The following TMEM154 variants were observed in gnomAD, a reference collection of about 807,000 sequenced individuals.
The protein encoded by TMEM154 is transmembrane protein 154.
In TMEM154, 27 loss-of-function variants were observed where a neutral mutation model predicts 24.5. The observed-to-expected ratio is 1.10, with a 90% CI of 0.81 to 1.52. The LOEUF is 1.52. TMEM154 is among the 40% of genes most tolerant of loss of function. TMEM154 has a pLI of 0.00. For missense variants in TMEM154, 228 were observed against 213.4 expected (o/e 1.07, Z -0.43); for synonymous variants, 67 against 76.8 (o/e 0.87, Z 0.67).
chr4:152,644,585 G>A (rs954645502), intron 3 of TMEM154, 143 bp from the exon 4 acceptor site: 10 of 797,528 alleles, frequency 1.3e-5, no homozygotes, highest in Non-Finnish European at 1.1e-5. Context: ...TTAACTTAGA[G>A]TCAAAGAAGT....
At chr4:152,669,919 G>T (rs1728793210) in intron 1 of TMEM154, 1 of 152,156 alleles carries the variant, frequency 6.6e-6, no homozygotes, top group Admixed American at 6.5e-5. Context: ...AATTACTCAG[G>T]AAATATTTCT....
intron 6 of TMEM154, among the ~76,000 whole-genome samples, chr4:152,633,029 G>T (rs1277320926): frequency 6.6e-6 from 1 of 152,212 alleles, no homozygotes; most frequent in African/African-American, 2.4e-5. Flanking sequence ...GCCAGTGTTT[G>T]TTGGTAAAAC....
chr4:152,639,250 C>A (rs1752207433), intron 6 of TMEM154, among the ~76,000 whole-genome samples: 1 of 152,102 alleles, frequency 6.6e-6, no homozygotes, highest in Admixed American at 6.5e-5. Context: ...ATTGCCTGGC[C>A]AAAAATCTGA....
rs757037349 is a variant in TMEM154, at chr4:152,627,013, C to CT, written c.*1532dup. ...CTGTTGAAGTTGTGTACCATGAAGTCTGTCTTTTGTCAAAGTTCTATGCAG... is the reference window on the plus strand; with the variant it reads ...CTGTTGAAGTTGTGTACCATGAAGTCTTGTCTTTTGTCAAAGTTCTATGCAG... On this transcript the variant is annotated 3_prime_UTR_variant, in exon 7 of 7. Transcript: ENST00000304385. 20 of 152,314 alleles carry CT rather than the reference C, an allele frequency of 1.3e-4. No individual in the cohort carries two copies. Among genetic ancestry groups the CT allele is most frequent in the Non-Finnish European group, 2.6e-4 (18 of 68,034 alleles). The allele number at this position is 152,314 out of a possible 1,614,324, so 9.4% of individuals were successfully genotyped here.
chr4:152,636,088 T>C (rs945171570), intron 6 of TMEM154, among the ~76,000 whole-genome samples: 15 of 152,210 alleles, frequency 9.9e-5, no homozygotes, highest in Non-Finnish European at 2.2e-4. Flanking sequence ...GGAAGAGTCA[T>C]GATAAAAGGG....
intron 1 of TMEM154, among the ~76,000 whole-genome samples, chr4:152,673,726 A>G (rs1015193938): frequency 1.3e-5 from 2 of 152,246 alleles, no homozygotes; most frequent in Non-Finnish European, 2.9e-5. Flanking sequence ...GCTGGAATTC[A>G]TTAATTTTAC....
chr4:152,628,132 A>T lies in TMEM154; in HGVS notation c.*414T>A. The T allele has an allele frequency of 5.1e-6, 1 of 197,660 alleles. No homozygotes were observed. The highest frequency in any genetic ancestry group is 1.0e-5 in the Non-Finnish European group (1 of 96,294). 12.2% of individuals were successfully genotyped at this position (197,660 alleles called of 1,614,324 possible). On this transcript the variant is annotated 3_prime_UTR_variant, in exon 7 of 7. Coordinates refer to ENST00000304385, the MANE Select transcript of TMEM154 (RefSeq NM_152680.3). ...GGAAATTATCCAAAGCTGGTTACTG[A>T]CCCAAAAGGAAACCATCGATAAAAC...
intron 6 of TMEM154, among the ~76,000 whole-genome samples, chr4:152,631,918 C>T (rs1281793926): frequency 6.6e-6 from 1 of 150,582 alleles, no homozygotes; most frequent in East Asian, 2.0e-4. Flanking sequence ...CATTCTCCTG[C>T]CTCAGCCTCC....
chr4:152,658,040 A>G (rs1228268109), intron 1 of TMEM154, among the ~76,000 whole-genome samples: 1 of 152,224 alleles, frequency 6.6e-6, no homozygotes, highest in Non-Finnish European at 1.5e-5. Context: ...GTTAGAACAC[A>G]AAACAAGCTC....
rs1053797579 is a variant in TMEM154 at position 152,621,764 on chromosome 4, G to A, written c.*6782C>T. The A allele has an allele frequency of 6.6e-6, 1 of 152,036 alleles. No individual in the cohort carries two copies. The highest frequency in any genetic ancestry group is 2.4e-5 in the African/African-American group (1 of 41,416). 9.4% of individuals were successfully genotyped at this position (152,036 alleles called of 1,614,324 possible). A position where few individuals can be genotyped will look rare whatever the true frequency, so the allele number is the denominator to read the frequency against. On this transcript the variant is annotated 3_prime_UTR_variant, in exon 7 of 7. Coordinates refer to ENST00000304385, the MANE Select transcript of TMEM154 (RefSeq NM_152680.3). ...GTTAAAATTAAAGGCATGAAGAAAA[G>A]TGAGTAATCAGGAAAAAAAGAGGTT...
At chr4:152,647,298 G>T (rs1270723503) in intron 3 of TMEM154, 3 of 985,148 alleles carry the variant, frequency 3.0e-6, no homozygotes, top group Non-Finnish European at 3.6e-6. Flanking sequence ...CAAAACGCTG[G>T]TATGACCTTC....
Position 152,679,946 on chromosome 4 carries a change from C to A in TMEM154, c.-13G>T, listed in dbSNP as rs1332031042. 4 of 1,604,402 alleles carry A rather than the reference C, an allele frequency of 2.5e-6. No homozygotes were observed. The highest frequency in any genetic ancestry group is 3.4e-6 in the Non-Finnish European group (4 of 1,176,132). On this transcript the variant is annotated 5_prime_UTR_variant, in exon 1 of 7. Transcript: ENST00000304385. Reference sequence around the variant, plus strand: ...GGGGAGCCTGCATGTCCGCTCGCCTCGGCAGAGGCGCGCTCAGGATGCTGC... The same window carrying A: ...GGGGAGCCTGCATGTCCGCTCGCCTAGGCAGAGGCGCGCTCAGGATGCTGC...
intron 5 of TMEM154, among the ~76,000 whole-genome samples, chr4:152,641,916 TTTTTTTTTTTTTTTTTTTTTTG>T: frequency 8.8e-6 from 1 of 113,918 alleles, no homozygotes; most frequent in Non-Finnish European, 1.9e-5. Context: ...TTTTTTTTTT[TTTTTTTTTTTTTTTTTTTTTTG>T]TTGAGATGGA....
intron 6 of TMEM154, chr4:152,639,892 C>T (rs946139352): frequency 6.5e-6 from 1 of 152,842 alleles, no homozygotes; most frequent in Admixed American, 6.5e-5. Context: ...ACTTTGGCAT[C>T]AGAGCTGAGG....
chr4:152,657,803 A>G (rs911780107), intron 1 of TMEM154, among the ~76,000 whole-genome samples: 9 of 152,230 alleles, frequency 5.9e-5, no homozygotes, highest in Non-Finnish European at 1.3e-4. Context: ...ACAACAGGGT[A>G]ATAAAGTCAA....
At chr4:152,656,058 A>T (rs1050654179) in intron 1 of TMEM154, among the ~76,000 whole-genome samples, 1 of 152,080 alleles carries the variant, frequency 6.6e-6, no homozygotes, top group Non-Finnish European at 1.5e-5. Flanking sequence ...TGAGGTTGGG[A>T]CTACCCACTC....
chr4:152,658,115 A>C (rs146272122), intron 1 of TMEM154, among the ~76,000 whole-genome samples: 1 of 152,334 alleles, frequency 6.6e-6, no homozygotes, highest in East Asian at 1.9e-4. Flanking sequence ...ATAAAACTAC[A>C]AGTCAATAAT....
chr4:152,649,536 C>T (rs1218331483), intron 3 of TMEM154, among the ~76,000 whole-genome samples: 3 of 152,186 alleles, frequency 2.0e-5, no homozygotes, highest in African/African-American at 7.2e-5. Context: ...AAGAACAATG[C>T]TTCCTCCAGG....
At chr4:152,662,607 T>TC (rs397737100) in intron 1 of TMEM154, among the ~76,000 whole-genome samples, 12 of 149,696 alleles carry the variant, frequency 8.0e-5, no homozygotes, top group Admixed American at 3.3e-4. Context: ...TCAAGGGATT[T>TC]CCCCCAAAAC....
Sources: allele counts gnomAD v4.1 joint callset (sites outside exome capture counted in the v4.1 genomes callset), GRCh38; gene constraint gnomAD v4.1.1; transcripts MANE v1.5; gene names NCBI Gene and HGNC (gene_info 2026-07-23, HGNC 2026-07-21).